The following KIAA1217 variants were observed in gnomAD, a reference collection of about 807,000 sequenced individuals.
The protein encoded by KIAA1217 is sickle tail protein homolog.
A neutral mutation model predicts 163.9 loss-of-function variants in KIAA1217; 88 were observed. That is an observed-to-expected ratio of 0.54 (90% CI 0.45 to 0.64). The LOEUF is 0.64. Ranked by LOEUF, KIAA1217 falls within the 30% of genes least tolerant of loss-of-function variation. The probability of loss-of-function intolerance (pLI) is 0.00; values close to 1 mark genes in which losing one functional copy is unlikely to be tolerated. For missense variants in KIAA1217, 2,372 were observed against 2,475.0 expected, an observed-to-expected ratio of 0.96 and a Z score of 0.88; for synonymous variants, 903 against 923.1, an observed-to-expected ratio of 0.98 and a Z score of 0.39.
At chr10:23,788,485 G>A (rs1835597147) in intron 1 of KIAA1217, among the ~76,000 whole-genome samples, 5 of 152,138 alleles carry the variant, frequency 3.3e-5, no homozygotes. Context: ...TTAGACATAA[G>A]GTTTCCAAAA....
intron 2 of KIAA1217, among the ~76,000 whole-genome samples, chr10:24,342,569 T>C (rs535363926): frequency 1.3e-5 from 2 of 152,138 alleles, no homozygotes; most frequent in Admixed American, 1.3e-4. Context: ...ATTATAATAA[T>C]CTACAGTTAC....
chr10:24,080,930 T>C (rs1228628891), intron 2 of KIAA1217, among the ~76,000 whole-genome samples: 2 of 152,148 alleles, frequency 1.3e-5, no homozygotes, highest in Admixed American at 6.5e-5. Flanking sequence ...TGAATCAATA[T>C]GACAATATTT....
At chr10:23,731,517 G>C (rs75504738) in intron 1 of KIAA1217, among the ~76,000 whole-genome samples, 99 of 152,190 alleles carry the variant, frequency 6.5e-4, no homozygotes, top group Non-Finnish European at 1.3e-3. Context: ...TCAGTTGCTT[G>C]GTCCATATCA....
intron 1 of KIAA1217, among the ~76,000 whole-genome samples, chr10:23,908,403 A>T (rs1189851501): frequency 6.6e-6 from 1 of 152,072 alleles, no homozygotes. Context: ...CAATGGCATC[A>T]CTGTCTCCTC....
At chr10:23,934,376 G>T (rs1213869892) in intron 1 of KIAA1217, among the ~76,000 whole-genome samples, 1 of 150,504 alleles carries the variant, frequency 6.6e-6, no homozygotes, top group Non-Finnish European at 1.5e-5. Context: ...ACTAGGGCCT[G>T]TTGGGGGGTG....
At chr10:24,388,834 T>G (rs899579963) in intron 3 of KIAA1217, among the ~76,000 whole-genome samples, 1 of 105,092 alleles carries the variant, frequency 9.5e-6, no homozygotes, top group Non-Finnish European at 1.7e-5. Context: ...ATCAGAGAAA[T>G]GCAAATCAAT....
At chr10:23,807,899 G>T (rs1051126270) in intron 1 of KIAA1217, among the ~76,000 whole-genome samples, 1 of 152,158 alleles carries the variant, frequency 6.6e-6, no homozygotes, top group African/African-American at 2.4e-5. Flanking sequence ...AAGCAGTTCA[G>T]GCCTTACTCT....
At chr10:24,533,917 C>G (rs994054485) in intron 16 of KIAA1217, among the ~76,000 whole-genome samples, 6 of 152,218 alleles carry the variant, frequency 3.9e-5, no homozygotes, top group Non-Finnish European at 7.3e-5. Context: ...TGATTCTACC[C>G]CAGGTCTATG....
At chr10:24,268,825 A>G (rs886947537) in intron 2 of KIAA1217, among the ~76,000 whole-genome samples, 3 of 131,810 alleles carry the variant, frequency 2.3e-5, no homozygotes, top group African/African-American at 8.9e-5. Context: ...TCCAACAATG[A>G]TAGACTGGAT....
At chr10:23,990,156 G>A (rs192516233) in intron 1 of KIAA1217, among the ~76,000 whole-genome samples, 20 of 152,224 alleles carry the variant, frequency 1.3e-4, no homozygotes, top group African/African-American at 4.8e-4. Flanking sequence ...TATCTTCATT[G>A]GGATTAATTC....
Position 24,520,322 on chromosome 10 carries a change from A to G in KIAA1217, c.2308+69A>G, listed in dbSNP as rs1032777832. 6 of 1,582,564 alleles carry G rather than the reference A, an allele frequency of 3.8e-6. No individual in the cohort carries two copies. In the Admixed American group the frequency reaches 7.1e-5, roughly 19 times the overall value. On this transcript the variant is annotated intron_variant, in intron 11 of 20. Transcript: ENST00000376454. Reference sequence around the variant, plus strand: ...CCTGCGGTGTTTAAAAATCTGCCACATAGAGGATTCATTCATGTATGCAAG... The same window carrying G: ...CCTGCGGTGTTTAAAAATCTGCCACGTAGAGGATTCATTCATGTATGCAAG...
At chr10:24,502,980 T>C (rs11014120) in intron 9 of KIAA1217, among the ~76,000 whole-genome samples, 15,181 of 152,088 alleles carry the variant, frequency 0.1, 1,054 homozygotes, top group East Asian at 0.14. Flanking sequence ...ACCAAGACTA[T>C]GTCTCAAAAA....
At chr10:23,928,066 A>T (rs767034746) in intron 1 of KIAA1217, among the ~76,000 whole-genome samples, 1 of 152,214 alleles carries the variant, frequency 6.6e-6, no homozygotes, top group Non-Finnish European at 1.5e-5. Flanking sequence ...AGCTTAAAAG[A>T]AACAATGGCT....
intron 2 of KIAA1217, among the ~76,000 whole-genome samples, chr10:24,076,493 G>A (rs2061372071): frequency 6.6e-6 from 1 of 152,180 alleles, no homozygotes; most frequent in Non-Finnish European, 1.5e-5. Context: ...CTGAGAGCAG[G>A]AAGATGCCCT....
chr10:24,389,957 C>T (rs2054616868), intron 3 of KIAA1217, among the ~76,000 whole-genome samples: 1 of 152,138 alleles, frequency 6.6e-6, no homozygotes, highest in Non-Finnish European at 1.5e-5. Context: ...TGCATCTGTG[C>T]TGGCAGCTTC....
chr10:24,314,539 G>A (rs144855696), intron 2 of KIAA1217, among the ~76,000 whole-genome samples: 5 of 152,292 alleles, frequency 3.3e-5, no homozygotes, highest in East Asian at 3.9e-4. Context: ...AGGCAGGGGA[G>A]CCTGTGATTT....
At chr10:23,729,989 C>T (rs150381978) in intron 1 of KIAA1217, among the ~76,000 whole-genome samples, 2,264 of 152,176 alleles carry the variant, frequency 0.015, 25 homozygotes, top group Middle Eastern at 0.071. Context: ...GCAAGCTCCG[C>T]CTCCCAGGTT....
intron 14 of KIAA1217, among the ~76,000 whole-genome samples, chr10:24,529,258 T>A (rs1376423384): frequency 6.6e-6 from 1 of 152,178 alleles, no homozygotes; most frequent in East Asian, 1.9e-4. Context: ...CAGTTCCTGG[T>A]ATAAAATGGC....
chr10:24,325,946 A>G (rs1231737896), intron 2 of KIAA1217, among the ~76,000 whole-genome samples: 3 of 152,140 alleles, frequency 2.0e-5, no homozygotes, highest in Admixed American at 1.3e-4. Context: ...TTATTTTCAT[A>G]TTTATAATGC....
Sources: allele counts gnomAD v4.1 joint callset (sites outside exome capture counted in the v4.1 genomes callset), GRCh38; gene constraint gnomAD v4.1.1; transcripts MANE v1.5; gene names NCBI Gene and HGNC (gene_info 2026-07-23, HGNC 2026-07-21).